Variants in MLLT3 observed in about 807,000 individuals in gnomAD.
MLLT3 encodes protein AF-9.
MLLT3 carries 4 observed loss-of-function variants against 53.2 expected under a neutral mutation model. The ratio of observed to expected loss-of-function variants is 0.08; its 90% CI spans 0.04 to 0.17. The LOEUF is 0.17. MLLT3 is among the 10% of genes least tolerant of loss of function. MLLT3 has a pLI of 1.00. For synonymous variants in MLLT3, 283 were observed against 230.6 expected (o/e 1.23, Z -2.06); for missense variants, 569 against 684.0 (o/e 0.83, Z 1.87).
At chr9:20,595,027 C>G (rs1029763895) in intron 2 of MLLT3, among the ~76,000 whole-genome samples, 1 of 152,048 alleles carries the variant, frequency 6.6e-6, no homozygotes, top group Non-Finnish European at 1.5e-5. Flanking sequence ...CTTTACTTCT[C>G]TAATAAACTT....
intron 2 of MLLT3, among the ~76,000 whole-genome samples, chr9:20,476,394 C>G (rs117326679): frequency 0.025 from 3,858 of 152,192 alleles, 76 homozygotes; most frequent in Non-Finnish European, 0.042. Context: ...GTTAAATATA[C>G]TGTCTAACAA....
At chr9:20,603,690 G>A (rs1189292651) in intron 2 of MLLT3, among the ~76,000 whole-genome samples, 2 of 152,040 alleles carry the variant, frequency 1.3e-5, no homozygotes, top group African/African-American at 4.8e-5. Context: ...AGCTGGAGAT[G>A]GCTGGAAAGT....
At chr9:20,456,190 C>A (rs541708455) in intron 3 of MLLT3, among the ~76,000 whole-genome samples, 3 of 152,050 alleles carry the variant, frequency 2.0e-5, no homozygotes, top group Non-Finnish European at 2.9e-5. Context: ...CCGCCCGCCT[C>A]GGCCTCCCAA....
At chr9:20,596,134 T>C (rs1820255767) in intron 2 of MLLT3, among the ~76,000 whole-genome samples, 1 of 152,150 alleles carries the variant, frequency 6.6e-6, no homozygotes, top group South Asian at 2.1e-4. Flanking sequence ...ATAAAACTAT[T>C]TTATAAGCTT....
At chr9:20,556,912 T>G (rs1398103392) in intron 2 of MLLT3, among the ~76,000 whole-genome samples, 1 of 152,144 alleles carries the variant, frequency 6.6e-6, no homozygotes, top group Non-Finnish European at 1.5e-5. Flanking sequence ...TTACGTATTT[T>G]GAAACAACCT....
At chr9:20,524,352 C>A (rs1818145453) in intron 2 of MLLT3, among the ~76,000 whole-genome samples, 1 of 151,832 alleles carries the variant, frequency 6.6e-6, no homozygotes, top group Admixed American at 6.6e-5. Flanking sequence ...AAATTAAGAT[C>A]CTTATCTCAG....
intron 7 of MLLT3, 82 bp from the exon 8 acceptor site, chr9:20,360,923 C>A: frequency 8.2e-7 from 1 of 1,225,402 alleles, no homozygotes; most frequent in South Asian, 1.2e-5. Flanking sequence ...GTGGAAAGCA[C>A]AGAATCCAAA....
chr9:20,538,233 G>A (rs1563807342), intron 2 of MLLT3, among the ~76,000 whole-genome samples: 2 of 152,190 alleles, frequency 1.3e-5, no homozygotes, highest in Admixed American at 6.5e-5. Flanking sequence ...CTTAATGAGT[G>A]CCAAGCACTG....
intron 2 of MLLT3, among the ~76,000 whole-genome samples, chr9:20,595,187 A>T (rs538243781): frequency 6.6e-6 from 1 of 152,038 alleles, no homozygotes; most frequent in Non-Finnish European, 1.5e-5. Flanking sequence ...TGAGATCTCC[A>T]TCTCTACAAA....
At chr9:20,574,773 C>T (rs1246211807) in intron 2 of MLLT3, among the ~76,000 whole-genome samples, 3 of 152,144 alleles carry the variant, frequency 2.0e-5, no homozygotes, top group Non-Finnish European at 4.4e-5. Flanking sequence ...ATAAAGTTTG[C>T]TGCATGGATT....
intron 2 of MLLT3, among the ~76,000 whole-genome samples, chr9:20,471,254 T>C (rs995557107): frequency 1.3e-5 from 2 of 152,056 alleles, no homozygotes; most frequent in East Asian, 1.9e-4. Context: ...TTCTCATTTT[T>C]CTACAAAAAC....
chr9:20,527,896 T>G (rs142341950), intron 2 of MLLT3, among the ~76,000 whole-genome samples: 1 of 152,336 alleles, frequency 6.6e-6, no homozygotes, highest in East Asian at 1.9e-4. Flanking sequence ...ACACATTAAA[T>G]GAGCACATTT....
At chr9:20,514,697 C>T (rs1335228006) in intron 2 of MLLT3, among the ~76,000 whole-genome samples, 2 of 151,962 alleles carry the variant, frequency 1.3e-5, no homozygotes, top group Non-Finnish European at 2.9e-5. Flanking sequence ...TGACCTAGGG[C>T]AAGATAGAAA....
chr9:20,465,200 G>T (rs975145670), intron 2 of MLLT3, among the ~76,000 whole-genome samples: 5 of 152,012 alleles, frequency 3.3e-5, no homozygotes, highest in African/African-American at 1.2e-4. Flanking sequence ...AAATAGTGTT[G>T]CAGGAAAAAA....
At chr9:20,572,765 G>C (rs1238992237) in intron 2 of MLLT3, among the ~76,000 whole-genome samples, 1 of 152,124 alleles carries the variant, frequency 6.6e-6, no homozygotes, top group Non-Finnish European at 1.5e-5. Flanking sequence ...CTGCACTCCA[G>C]CCTGGGCAAT....
chr9:20,547,681 T>A (rs1011711994), intron 2 of MLLT3, among the ~76,000 whole-genome samples: 2 of 149,138 alleles, frequency 1.3e-5, no homozygotes, highest in Non-Finnish European at 3.0e-5. Flanking sequence ...CACTGGACAG[T>A]GGCTCACGCC....
intron 5 of MLLT3, chr9:20,412,069 TC>T (rs1822742789): frequency 6.6e-6 from 1 of 152,216 alleles, no homozygotes; most frequent in African/African-American, 2.4e-5. Context: ...CACTAGTGAA[TC>T]ACAACCCATG....
At chr9:20,457,779 T>C (rs575999435) in intron 2 of MLLT3, among the ~76,000 whole-genome samples, 3 of 152,352 alleles carry the variant, frequency 2.0e-5, no homozygotes, top group South Asian at 4.1e-4. Flanking sequence ...GGCAAGCTCT[T>C]GGGGAATGAG....
At chr9:20,379,775 A>G (rs951410454) in intron 5 of MLLT3, among the ~76,000 whole-genome samples, 2 of 151,994 alleles carry the variant, frequency 1.3e-5, no homozygotes, top group African/African-American at 4.8e-5. Flanking sequence ...AAGTAAGTAG[A>G]TCTTGATGGA....
Sources: allele counts gnomAD v4.1 joint callset (sites outside exome capture counted in the v4.1 genomes callset), GRCh38; gene constraint gnomAD v4.1.1; transcripts MANE v1.5; gene names NCBI Gene and HGNC (gene_info 2026-07-23, HGNC 2026-07-21).